The following EGR1 variants were observed in gnomAD, a reference collection of about 807,000 sequenced individuals.
The protein encoded by EGR1 is early growth response protein 1.
In EGR1, 8 loss-of-function variants were observed where a neutral mutation model predicts 30.2. That is an observed-to-expected ratio of 0.26 (90% CI 0.16 to 0.48). EGR1 has a LOEUF of 0.48. EGR1 is among the 20% of genes least tolerant of loss of function. The pLI is 0.99. For missense variants in EGR1, 568 were observed against 732.3 expected (o/e 0.78, Z 2.59); for synonymous variants, 334 against 312.8 (o/e 1.07, Z -0.72).
Position 138,469,075 on chromosome 5 carries a change from A to T in EGR1, c.*994A>T, listed in dbSNP as rs201584314. The stretch of plus-strand genomic sequence containing the variant: ...GTCTATTTTTTTAACTGAAAATGTA[A>T]ATTTATAAATATATTCAGGAGTTGG... On this transcript the variant is annotated 3_prime_UTR_variant, in exon 2 of 2. Transcript: ENST00000239938. 1.3e-5 allele frequency: 2 copies of T among 152,670 alleles called. No individual in the cohort carries two copies. The highest frequency in any genetic ancestry group is 2.9e-5 in the Non-Finnish European group (2 of 68,026). 9.5% of individuals were successfully genotyped at this position (152,670 alleles called of 1,614,324 possible).
At position 138,466,974 on chromosome 5, in the gene EGR1, A is replaced by G. The variant is rs761589647; in HGVS notation, c.525A>G (p.Pro175=). 8 of 1,613,730 alleles carry G rather than the reference A, an allele frequency of 5.0e-6. No individual in the cohort carries two copies. The highest frequency in any genetic ancestry group is 5.9e-6 in the Non-Finnish European group (7 of 1,179,976). Residue 175 remains proline, a synonymous_variant, in exon 2 of 2, where the codon CCA becomes CCG. Coordinates refer to ENST00000239938, the MANE Select transcript of EGR1 (RefSeq NM_001964.3). ...TNPPASSSSA[P]SPAASSASAS... ...CACCGGCCTCCTCGTCCTCAGCACC[A>G]TCTCCAGCGGCCTCCTCCGCCTCCG...
rs201877780 is a variant in EGR1, at chr5:138,467,292, C to G, written c.843C>G (p.Thr281=). Residue 281 remains threonine (T), a synonymous_variant, in exon 2 of 2, where the codon ACC becomes ACG. Transcript: ENST00000239938. The surrounding 1 kb of genome is among the most constrained non-coding windows in gnomAD (Gnocchi z 8.3). ...CCTTCCAGGGCCTGGAGAGCCGCACCCAGCAGCCTTCGCTAACCCCTCTGT... is the reference window on the plus strand; with the variant it reads ...CCTTCCAGGGCCTGGAGAGCCGCACGCAGCAGCCTTCGCTAACCCCTCTGT... ...QKPFQGLESR[T]QQPSLTPLST... is the part of the protein sequence containing the mutation. 9 of 1,614,144 alleles carry G rather than the reference C, an allele frequency of 5.6e-6. No individual in the cohort carries two copies. Among genetic ancestry groups the G allele is most frequent in the Non-Finnish European group, 6.8e-6 (8 of 1,180,034 alleles).
chr5:138,467,910 C>T lies in EGR1; in HGVS notation c.1461C>T (p.His487=), dbSNP rs770180164. The change falls in exon 2 of 2, where the codon CAC becomes CAT. Residue 487 remains histidine, a synonymous_variant. Transcript: ENST00000239938. This position sits in a 1 kb window ranked among gnomAD's most constrained non-coding sequence, Gnocchi z 8.3. The part of the protein sequence containing the change: ...PGSSTYPSPV[H]SGFPSPSVAT... ...CCTCGACCTACCCATCCCCTGTGCACAGTGGCTTCCCCTCCCCGTCGGTGG... is the reference window on the plus strand; with the variant it reads ...CCTCGACCTACCCATCCCCTGTGCATAGTGGCTTCCCCTCCCCGTCGGTGG... 1.3e-5 allele frequency: 21 copies of T among 1,613,496 alleles called. No individual in the cohort carries two copies. Among genetic ancestry groups the T allele is most frequent in the Non-Finnish European group, 1.7e-5 (20 of 1,179,664 alleles).
In EGR1 at chr5:138,469,046, A is replaced by G. The variant is rs1764195901; in HGVS notation, c.*965A>G. On this transcript the variant is annotated 3_prime_UTR_variant, in exon 2 of 2. Coordinates refer to ENST00000239938, the MANE Select transcript of EGR1 (RefSeq NM_001964.3). Reference sequence around the variant, plus strand: ...AATCTAAAACAAAATCTGAACTCTCAAAAGTCTATTTTTTTAACTGAAAAT... The same window carrying G: ...AATCTAAAACAAAATCTGAACTCTCGAAAGTCTATTTTTTTAACTGAAAAT... 6.6e-6 allele frequency: 1 copy of G among 152,584 alleles called. No homozygotes were observed. The highest frequency in any genetic ancestry group is 1.5e-5 in the Non-Finnish European group (1 of 68,030). The allele number at this position is 152,584 out of a possible 1,614,324, so 9.5% of individuals were successfully genotyped here. A position where few individuals can be genotyped will look rare whatever the true frequency, so the allele number is the denominator to read the frequency against.
Position 138,466,044 on chromosome 5 carries a change from C to G in EGR1, c.283C>G (p.Gln95Glu), listed in dbSNP as rs529757041. 1.3e-6 allele frequency: 2 copies of G among 1,592,914 alleles called. No homozygotes were observed. The highest frequency in any genetic ancestry group is 1.7e-6 in the Non-Finnish European group (2 of 1,170,912). The change falls in exon 1 of 2, where the codon CAG becomes GAG. Residue 95 changes from glutamine (Q) to glutamate (E), a missense_variant. Gln to Glu is a conservative substitution (Grantham distance 29). This residue lies in a region of EGR1 where 415 missense variants were observed against 445.2 expected (regional missense o/e 0.93). Transcript: ENST00000239938. Reference sequence around the variant, plus strand: ...CAACCCTCAGGCGGACACGGGCGAGCAGCCCTACGAGCACCTGACCGCAGG... The same window carrying G: ...CAACCCTCAGGCGGACACGGGCGAGGAGCCCTACGAGCACCTGACCGCAGG... ...TFNPQADTGE[Q>E]PYEHLTAESF...
In EGR1 at chr5:138,469,077, T is replaced by C. The variant is rs200039569; in HGVS notation, c.*996T>C. On this transcript the variant is annotated 3_prime_UTR_variant, in exon 2 of 2. Coordinates refer to ENST00000239938, the MANE Select transcript of EGR1 (RefSeq NM_001964.3). ...CTATTTTTTTAACTGAAAATGTAAATTTATAAATATATTCAGGAGTTGGAA... is the reference window on the plus strand; with the variant it reads ...CTATTTTTTTAACTGAAAATGTAAACTTATAAATATATTCAGGAGTTGGAA... The C allele has an allele frequency of 3.9e-5, 6 of 152,516 alleles. No homozygotes were observed. Among genetic ancestry groups the C allele is most frequent in the Admixed American group, 3.9e-4 (6 of 15,274 alleles). The allele number at this position is 152,516 out of a possible 1,614,324, so 9.4% of individuals were successfully genotyped here. A position where few individuals can be genotyped will look rare whatever the true frequency, so the allele number is the denominator to read the frequency against.
Position 138,465,690 on chromosome 5 carries a change from T to G in EGR1, c.-72T>G. 11 of 1,424,958 alleles carry G rather than the reference T, an allele frequency of 7.7e-6. No individual in the cohort carries two copies. The highest frequency in any genetic ancestry group is 9.3e-6 in the Non-Finnish European group (10 of 1,074,304). The allele number at this position is 1,424,958 out of a possible 1,614,324, so 88.3% of individuals were successfully genotyped here. On this transcript the variant is annotated 5_prime_UTR_variant, in exon 1 of 2. Coordinates refer to ENST00000239938, the MANE Select transcript of EGR1 (RefSeq NM_001964.3). ...TAACCCGGCCAGGCCCCCGCAACTG[T>G]GTCCCCTGCAGCTCCAGCCCCGGGC... is the stretch of plus-strand genomic sequence containing the variant.
At position 138,465,886 on chromosome 5, in the gene EGR1, G is replaced by C. The variant is rs767439005; in HGVS notation, c.125G>C (p.Ser42Thr). 2 of 1,613,956 alleles carry C rather than the reference G, an allele frequency of 1.2e-6. No individual in the cohort carries two copies. The highest frequency in any genetic ancestry group is 1.1e-5 in the South Asian group (1 of 91,090). ...AAGCTGGAGGAGATGATGCTGCTGA[G>C]CAACGGGGCTCCCCAGTTCCTCGGC... is the stretch of plus-strand genomic sequence containing the variant. Reference protein sequence around the residue: ...YPKLEEMMLLSNGAPQFLGAA... With the variant: ...YPKLEEMMLLTNGAPQFLGAA... The change falls in exon 1 of 2, where the codon AGC becomes ACC. Residue 42 changes from serine to threonine, a missense_variant. Transcript: ENST00000239938.
rs6914 is a variant in EGR1, at chr5:138,468,946, T to C, written c.*865T>C. 0.039 allele frequency: 5,929 copies of C among 152,334 alleles called. 200 individuals carry two copies. The highest frequency in any genetic ancestry group is 0.062 in the Non-Finnish European group (4,238 of 67,966). 9.4% of individuals were successfully genotyped at this position (152,334 alleles called of 1,614,324 possible). A position where few individuals can be genotyped will look rare whatever the true frequency, so the allele number is the denominator to read the frequency against. ...CTTAAGGGGGGCAGGGAGTGATGAT[T>C]TGGGGGAGGCTTTGGGAGCAAAATA... On this transcript the variant is annotated 3_prime_UTR_variant, in exon 2 of 2. Coordinates refer to ENST00000239938, the MANE Select transcript of EGR1 (RefSeq NM_001964.3).
chr5:138,467,499 C>T lies in EGR1; in HGVS notation c.1050C>T (p.Ser350=). The change falls in exon 2 of 2, where the codon TCC becomes TCT. Residue 350 remains serine (S), a synonymous_variant. Transcript: ENST00000239938. The surrounding 1 kb of genome is among the most constrained non-coding windows in gnomAD (Gnocchi z 8.3). ...CPVESCDRRF[S]RSDELTRHIR... is the part of the protein sequence containing the mutation. ...TGGAGTCCTGTGATCGCCGCTTCTCCCGCTCCGACGAGCTCACCCGCCACA... is the reference window on the plus strand; with the variant it reads ...TGGAGTCCTGTGATCGCCGCTTCTCTCGCTCCGACGAGCTCACCCGCCACA... 6.2e-7 allele frequency: 1 copy of T among 1,612,174 alleles called. No homozygotes were observed. The highest frequency in any genetic ancestry group is 8.5e-7 in the Non-Finnish European group (1 of 1,179,992).
At position 138,466,064 on chromosome 5, in the gene EGR1, C is replaced by G. The variant is rs1382936992; in HGVS notation, c.303C>G (p.Thr101=). The G allele has an allele frequency of 6.3e-7, 1 of 1,576,892 alleles. No individual in the cohort carries two copies. The highest frequency in any genetic ancestry group is 8.6e-7 in the Non-Finnish European group (1 of 1,163,488). The change falls in exon 1 of 2, where the codon ACC becomes ACG. Residue 101 remains threonine (T), a synonymous_variant. Coordinates refer to ENST00000239938, the MANE Select transcript of EGR1 (RefSeq NM_001964.3). The part of the protein sequence containing the change: ...DTGEQPYEHL[T]AESFPDISLN... ...GCGAGCAGCCCTACGAGCACCTGACCGCAGGTAAGCAGTGGCCTACGCCGA... is the reference window on the plus strand; with the variant it reads ...GCGAGCAGCCCTACGAGCACCTGACGGCAGGTAAGCAGTGGCCTACGCCGA...
Position 138,466,435 on chromosome 5 carries a change from TC to T in EGR1, c.308-319del, listed in dbSNP as rs575963754. Among the ~76,000 whole-genome samples the T allele has an allele frequency of 5.4e-3, 827 of 152,380 alleles. 8 individuals carry two copies. Among genetic ancestry groups the T allele is most frequent in the Middle Eastern group, 0.037 (11 of 294 alleles). ...GGACCGTGATCCTTGGCCGTGGATG[TC>T]CCGGCAGCCCGGGTTTGGGGGCGCG... On this transcript the variant is annotated intron_variant, in intron 1 of 1. Coordinates refer to ENST00000239938, the MANE Select transcript of EGR1 (RefSeq NM_001964.3).
chr5:138,466,999 G>C lies in EGR1; in HGVS notation c.550G>C (p.Ala184Pro). The C allele has an allele frequency of 6.2e-7, 1 of 1,613,768 alleles. No individual in the cohort carries two copies. Among genetic ancestry groups the C allele is most frequent in the Non-Finnish European group, 8.5e-7 (1 of 1,179,972 alleles). ...ATCTCCAGCGGCCTCCTCCGCCTCC[G>C]CCTCCCAGAGCCCACCCCTGAGCTG... ...APSPAASSASASQSPPLSCAV... is the reference protein window; with the variant it reads ...APSPAASSASPSQSPPLSCAV... The change falls in exon 2 of 2, where the codon GCC becomes CCC. Residue 184 changes from alanine (A) to proline (P), a missense_variant. By Grantham distance (27) the Ala-to-Pro change is conservative. Around this residue, in one of 4 missense-constraint regions of EGR1, gnomAD observed 415 missense variants for 445.2 expected, o/e 0.93. Transcript: ENST00000239938.
At position 138,467,029 on chromosome 5, in the gene EGR1, G is replaced by A. The variant is rs1764167452; in HGVS notation, c.580G>A (p.Val194Met). The change falls in exon 2 of 2, where the codon GTG (valine) becomes ATG (methionine). Residue 194 changes from valine (V) to methionine (M), a missense_variant. Around this residue, in one of 4 missense-constraint regions of EGR1, gnomAD observed 415 missense variants for 445.2 expected, o/e 0.93. Transcript: ENST00000239938. The surrounding 1 kb of genome is among the most constrained non-coding windows in gnomAD (Gnocchi z 8.3). ...CCAGAGCCCACCCCTGAGCTGCGCA[G>A]TGCCATCCAACGACAGCAGTCCCAT... ...ASQSPPLSCA[V>M]PSNDSSPIYS... 1 of 1,613,918 alleles carries A rather than the reference G, an allele frequency of 6.2e-7. No individual in the cohort carries two copies. The highest frequency in any genetic ancestry group is 1.7e-5 in the Admixed American group (1 of 60,008).
In EGR1 at chr5:138,467,943, G is replaced by C. The variant is rs201207618; in HGVS notation, c.1494G>C (p.Thr498=). 2 of 1,613,846 alleles carry C rather than the reference G, an allele frequency of 1.2e-6. No individual in the cohort carries two copies. Among genetic ancestry groups the C allele is most frequent in the Non-Finnish European group, 1.7e-6 (2 of 1,179,898 alleles). ...TCCCCTCCCCGTCGGTGGCCACCAC[G>C]TACTCCTCTGTTCCCCCTGCTTTCC... The part of the protein sequence containing the change: ...SGFPSPSVAT[T]YSSVPPAFPA... Residue 498 remains threonine, a synonymous_variant, in exon 2 of 2, where the codon ACG becomes ACC. Transcript: ENST00000239938. The surrounding 1 kb of genome is among the most constrained non-coding windows in gnomAD (Gnocchi z 8.3).
Sources: allele counts gnomAD v4.1 joint callset (sites outside exome capture counted in the v4.1 genomes callset), GRCh38; gene constraint gnomAD v4.1.1; regional missense constraint gnomAD v4.1.1; non-coding constraint Gnocchi (gnomAD v3.1); transcripts MANE v1.5; gene names NCBI Gene and HGNC (gene_info 2026-07-23, HGNC 2026-07-21).